NKAIN3: variants seen among roughly 807,000 people sequenced by gnomAD.
NKAIN3 encodes sodium/potassium transporting ATPase interacting 3.
In NKAIN3, 25 loss-of-function variants were observed where a neutral mutation model predicts 30.2. The ratio of observed to expected loss-of-function variants is 0.83; its 90% CI spans 0.60 to 1.16. The LOEUF (loss-of-function observed/expected upper bound fraction) is 1.16. NKAIN3 is among the 50% of genes most tolerant of loss of function. The probability of loss-of-function intolerance (pLI) is 0.00; values close to 1 mark genes in which losing one functional copy is unlikely to be tolerated. For synonymous variants in NKAIN3, 91 were observed against 89.6 expected (o/e 1.02, Z -0.09); for missense variants, 225 against 254.1 (o/e 0.89, Z 0.78).
chr8:62,253,979 C>T (rs571004992), intron 1 of NKAIN3, among the ~76,000 whole-genome samples: 1 of 152,036 alleles, frequency 6.6e-6, no homozygotes, highest in African/African-American at 2.4e-5. Flanking sequence ...ATTTCAATAC[C>T]GTGGTTCATG....
intron 5 of NKAIN3, among the ~76,000 whole-genome samples, chr8:62,944,883 T>C (rs980932526): frequency 1.3e-5 from 2 of 152,218 alleles, no homozygotes; most frequent in Non-Finnish European, 2.9e-5. Context: ...GCTAGAATGA[T>C]AGGCTACCTC....
At chr8:62,469,928 A>G (rs1461288019) in intron 1 of NKAIN3, among the ~76,000 whole-genome samples, 3 of 152,230 alleles carry the variant, frequency 2.0e-5, no homozygotes, top group Non-Finnish European at 4.4e-5. Context: ...AGGTTAAACT[A>G]CAACAAAGTG....
chr8:62,614,563 A>T (rs1006353643), intron 3 of NKAIN3, among the ~76,000 whole-genome samples: 1 of 152,220 alleles, frequency 6.6e-6, no homozygotes, highest in South Asian at 2.1e-4. Context: ...GGCAAAACCA[A>T]CTAGGCCTGT....
intron 5 of NKAIN3, among the ~76,000 whole-genome samples, chr8:62,947,128 A>G (rs1026459507): frequency 6.6e-6 from 1 of 152,226 alleles, no homozygotes; most frequent in Non-Finnish European, 1.5e-5. Flanking sequence ...TAATGGATAT[A>G]GAAGTGTGCA....
intron 1 of NKAIN3, among the ~76,000 whole-genome samples, chr8:62,432,037 G>T (rs1240549185): frequency 6.6e-6 from 1 of 151,654 alleles, no homozygotes; most frequent in Non-Finnish European, 1.5e-5. Flanking sequence ...CCAAACAGTT[G>T]ACTATGTGGA....
At chr8:62,417,008 A>T (rs62509255) in intron 1 of NKAIN3, among the ~76,000 whole-genome samples, 20,839 of 149,540 alleles carry the variant, frequency 0.14, 1,728 homozygotes, top group East Asian at 0.41. Flanking sequence ...ATATATATTT[A>T]TATATATATA....
chr8:62,262,844 A>T (rs1236194487), intron 1 of NKAIN3, among the ~76,000 whole-genome samples: 2 of 152,218 alleles, frequency 1.3e-5, no homozygotes, highest in East Asian at 3.8e-4. Context: ...TGGCTCAACC[A>T]AAAGTGTCTT....
chr8:62,487,854 C>T (rs183565135), intron 1 of NKAIN3, among the ~76,000 whole-genome samples: 1 of 152,218 alleles, frequency 6.6e-6, no homozygotes, highest in Non-Finnish European at 1.5e-5. Flanking sequence ...CTACAAATTA[C>T]AAGTGCAAGT....
intron 4 of NKAIN3, among the ~76,000 whole-genome samples, chr8:62,819,152 C>T (rs55839866): frequency 0.11 from 15,830 of 143,992 alleles, 1,059 homozygotes; most frequent in African/African-American, 0.17. Flanking sequence ...TATATATATA[C>T]ATATATATAT....
At chr8:62,282,188 A>T (rs1191203602) in intron 1 of NKAIN3, among the ~76,000 whole-genome samples, 1 of 152,042 alleles carries the variant, frequency 6.6e-6, no homozygotes, top group African/African-American at 2.4e-5. Flanking sequence ...TAGAAAACCC[A>T]CTCGGGAAAT....
At chr8:62,816,878 C>A (rs1818701329) in intron 4 of NKAIN3, among the ~76,000 whole-genome samples, 1 of 152,140 alleles carries the variant, frequency 6.6e-6, no homozygotes, top group African/African-American at 2.4e-5. Context: ...AAGATGTAGA[C>A]ACATGGATTC....
intron 1 of NKAIN3, among the ~76,000 whole-genome samples, chr8:62,469,470 GTT>G (rs1209402016): frequency 6.6e-6 from 1 of 152,104 alleles, no homozygotes; most frequent in Non-Finnish European, 1.5e-5. Context: ...TGCCCCACTG[GTT>G]TTACTAACAT....
chr8:62,940,354 G>T (rs1361379670), intron 5 of NKAIN3, among the ~76,000 whole-genome samples: 1 of 152,032 alleles, frequency 6.6e-6, no homozygotes, highest in Non-Finnish European at 1.5e-5. Context: ...CACTAGGCAG[G>T]TGATATAGAC....
At chr8:62,948,966 G>A (rs1266257213) in intron 5 of NKAIN3, among the ~76,000 whole-genome samples, 1 of 152,166 alleles carries the variant, frequency 6.6e-6, no homozygotes, top group Non-Finnish European at 1.5e-5. Context: ...ATCTATTCTG[G>A]ATTTACCATA....
chr8:62,849,395 G>A lies in NKAIN3; in HGVS notation c.472-69058G>A, dbSNP rs111266753. Among the ~76,000 whole-genome samples the A allele has an allele frequency of 3.6e-3, 536 of 149,334 alleles. 5 individuals are homozygous for A. The highest frequency in any genetic ancestry group is 0.011 in the African/African-American group (454 of 40,446). On this transcript the variant is annotated intron_variant, in intron 4 of 6. Coordinates refer to ENST00000623646, the MANE Select transcript of NKAIN3 (RefSeq NM_001304533.3). ...AGGGATTCAATTTCTTCCTGATTCA[G>A]TCTTGGGAGGGCATATGTGCCAGGA...
At chr8:62,945,352 GTTC>G (rs1823092066) in intron 5 of NKAIN3, among the ~76,000 whole-genome samples, 1 of 152,116 alleles carries the variant, frequency 6.6e-6, no homozygotes, top group Non-Finnish European at 1.5e-5. Context: ...AGCTGATGAG[GTTC>G]TTCTTCAATT....
intron 4 of NKAIN3, among the ~76,000 whole-genome samples, chr8:62,765,254 A>G (rs1816796883): frequency 6.8e-6 from 1 of 146,536 alleles, no homozygotes; most frequent in Non-Finnish European, 1.5e-5. Flanking sequence ...CTCAAAAAAA[A>G]AAAAAAAAAA....
intron 1 of NKAIN3, among the ~76,000 whole-genome samples, chr8:62,303,607 C>T (rs937881720): frequency 1.3e-5 from 2 of 150,384 alleles, no homozygotes; most frequent in African/African-American, 5.0e-5. Context: ...AGACAATCCA[C>T]TTTATTGCTT....
Position 62,980,684 on chromosome 8 carries a change from T to A in NKAIN3, c.*15277T>A, listed in dbSNP as rs1824055244. 1 of 152,202 alleles carries A rather than the reference T, an allele frequency of 6.6e-6. No individual in the cohort carries two copies. Among genetic ancestry groups the A allele is most frequent in the South Asian group, 2.1e-4 (1 of 4,836 alleles). 9.4% of individuals were successfully genotyped at this position (152,202 alleles called of 1,614,324 possible). A position where few individuals can be genotyped will look rare whatever the true frequency, so the allele number is the denominator to read the frequency against. On this transcript the variant is annotated 3_prime_UTR_variant, in exon 7 of 7. Transcript: ENST00000623646. ...GACATGTATCTAAACCAGAAAAAAA[T>A]ATTCCTTGTACATGATATTTTTAGG... is the stretch of plus-strand genomic sequence containing the variant.
Sources: gnomAD v4.1 joint callset for allele counts (sites outside exome capture counted in the v4.1 genomes callset) on GRCh38, gnomAD v4.1.1 for gene constraint, MANE v1.5 for transcripts, NCBI Gene and HGNC (gene_info 2026-07-23, HGNC 2026-07-21) for gene names.